The following BDH2 variants were observed in gnomAD, a reference collection of about 807,000 sequenced individuals.
The protein encoded by BDH2 is dehydrogenase/reductase SDR family member 6.
In BDH2, 24 loss-of-function variants were observed where a neutral mutation model predicts 33.2. The observed-to-expected ratio is 0.72, with a 90% CI of 0.52 to 1.02. The LOEUF is 1.02. Among genes scored for constraint, BDH2 ranks in the 50% least tolerant of loss-of-function variants. The probability of loss-of-function intolerance (pLI) is 0.00; values close to 1 mark genes in which losing one functional copy is unlikely to be tolerated. For synonymous variants in BDH2, 81 were observed against 101.6 expected (o/e 0.80, Z 1.22); for missense variants, 249 against 301.6 (o/e 0.83, Z 1.29).
intron 7 of BDH2, 84 bp from the exon 8 acceptor site, chr4:103,083,013 A>G: frequency 1.7e-6 from 2 of 1,211,354 alleles, no homozygotes; most frequent in Non-Finnish European, 1.2e-6. Context: ...CCATATGACA[A>G]TCAGTGAGAT....
intron 9 of BDH2, among the ~76,000 whole-genome samples, chr4:103,081,422 C>T (rs1348281652): frequency 2.6e-5 from 4 of 152,144 alleles, no homozygotes; most frequent in Non-Finnish European, 2.9e-5. Flanking sequence ...CTCAGCCTCC[C>T]GAGTAGCTGG....
At chr4:103,080,680 T>G (rs1343363819) in intron 9 of BDH2, among the ~76,000 whole-genome samples, 2 of 152,204 alleles carry the variant, frequency 1.3e-5, no homozygotes, top group African/African-American at 2.4e-5. Flanking sequence ...ACATATGAAC[T>G]CCTCTGGAAA....
intron 4 of BDH2, 92 bp from the exon 5 acceptor site, chr4:103,091,377 G>A: frequency 2.6e-6 from 2 of 755,574 alleles, no homozygotes; most frequent in Non-Finnish European, 4.6e-6. Flanking sequence ...TAGTGACTTA[G>A]ACCACTGTCT....
At chr4:103,091,548 G>T in intron 4 of BDH2, 2 of 394,142 alleles carry the variant, frequency 5.1e-6, no homozygotes, top group South Asian at 2.1e-5. Context: ...TATTAATTGT[G>T]CTGGAAACAT....
chr4:103,095,223 T>C lies in BDH2; in HGVS notation c.131A>G (p.Gln44Arg). 1 of 1,613,754 alleles carries C rather than the reference T, an allele frequency of 6.2e-7. No individual in the cohort carries two copies. Among genetic ancestry groups the C allele is most frequent in the Non-Finnish European group, 8.5e-7 (1 of 1,179,736 alleles). The stretch of plus-strand genomic sequence containing the variant: ...CTTACCCGGGTACTTTTCCAGTTCC[T>C]GAAGTTTGGACTCATTAATGTCTGT... Reference protein sequence around the residue: ...IATDINESKLQELEKYPGIQT... With the variant: ...IATDINESKLRELEKYPGIQT... Residue 44 changes from glutamine to arginine, a missense_variant, in exon 3 of 10, where the codon CAG becomes CGG. By Grantham distance (43) the Gln-to-Arg change is conservative. Coordinates refer to ENST00000296424, the MANE Select transcript of BDH2 (RefSeq NM_020139.4).
intron 4 of BDH2, 22 bp from the exon 5 acceptor site, chr4:103,091,307 G>T: frequency 6.6e-7 from 1 of 1,524,866 alleles, no homozygotes; most frequent in South Asian, 1.1e-5. Flanking sequence ...ATTAAACAAT[G>T]GAAGAATAAC....
At chr4:103,086,596 C>G in intron 5 of BDH2, 56 bp from the exon 6 acceptor site, 1 of 1,539,758 alleles carries the variant, frequency 6.5e-7, no homozygotes, top group Non-Finnish European at 8.7e-7. Flanking sequence ...GGCTAAAATA[C>G]TACCTTTTAA....
intron 3 of BDH2, among the ~76,000 whole-genome samples, chr4:103,093,543 A>G (rs1748210369): frequency 6.7e-6 from 1 of 149,136 alleles, no homozygotes; most frequent in Non-Finnish European, 1.5e-5. Context: ...CATATTATTT[A>G]TAATGTGCAT....
intron 9 of BDH2, among the ~76,000 whole-genome samples, chr4:103,081,783 T>C (rs77252594): frequency 0.014 from 2,098 of 152,304 alleles, 49 homozygotes; most frequent in African/African-American, 0.048. Context: ...AATCAGGGTT[T>C]CCCCAATTAT....
chr4:103,092,354 A>C, intron 4 of BDH2: 1 of 498,798 alleles, frequency 2.0e-6, no homozygotes, highest in Non-Finnish European at 3.6e-6. Context: ...AACACATAAT[A>C]CAGCTTTGTA....
chr4:103,092,149 T>A (rs1748135192), intron 4 of BDH2, among the ~76,000 whole-genome samples: 1 of 152,190 alleles, frequency 6.6e-6, no homozygotes, highest in Admixed American at 6.5e-5. Flanking sequence ...AGTCAGAATG[T>A]CAGTTTCATG....
chr4:103,097,578 A>C (rs1748471997), intron 1 of BDH2: 2 of 152,200 alleles, frequency 1.3e-5, no homozygotes, highest in Non-Finnish European at 2.9e-5. Context: ...TCATATCCAC[A>C]TTTCAGGCAA....
At position 103,086,476 on chromosome 4, in the gene BDH2, C is replaced by T. The variant is rs1385267651; in HGVS notation, c.418+4G>A. On this transcript the variant is annotated splice_donor_region_variant and intron_variant, in intron 6 of 9. Transcript: ENST00000296424. ...TCGCAGTCCTCGGAAGGAGACAGACCCACCTTTGACGCTGGAAGCCACAGA... is the reference window on the plus strand; with the variant it reads ...TCGCAGTCCTCGGAAGGAGACAGACTCACCTTTGACGCTGGAAGCCACAGA... The T allele has an allele frequency of 6.2e-7, 1 of 1,612,484 alleles. No individual in the cohort carries two copies. The highest frequency in any genetic ancestry group is 2.2e-5 in the East Asian group (1 of 44,874).
chr4:103,083,678 C>A (rs1578500176), intron 7 of BDH2, among the ~76,000 whole-genome samples: 1 of 152,090 alleles, frequency 6.6e-6, no homozygotes, highest in East Asian at 1.9e-4. Context: ...GGCCCTTTTT[C>A]AGACTAAAGA....
chr4:103,097,040 T>C (rs1286992027), intron 1 of BDH2, among the ~76,000 whole-genome samples: 2 of 152,200 alleles, frequency 1.3e-5, no homozygotes, highest in African/African-American at 4.8e-5. Flanking sequence ...GCACTATCAA[T>C]TGCTTATGAT....
intron 3 of BDH2, among the ~76,000 whole-genome samples, chr4:103,093,616 A>T (rs572725592): frequency 6.8e-6 from 1 of 147,248 alleles, no homozygotes; most frequent in African/African-American, 2.5e-5. Context: ...ATATGTATAC[A>T]TATAATATAT....
chr4:103,097,334 T>C (rs910521797), intron 1 of BDH2, among the ~76,000 whole-genome samples: 7 of 152,330 alleles, frequency 4.6e-5, no homozygotes, highest in African/African-American at 1.7e-4. Flanking sequence ...TTCTAAATGA[T>C]TGAGAAACAC....
At chr4:103,082,007 ATAT>A in intron 9 of BDH2, 71 bp downstream of exon 9, 1 of 1,191,048 alleles carries the variant, frequency 8.4e-7, no homozygotes, top group Non-Finnish European at 1.2e-6. Flanking sequence ...CTCTAAAATG[ATAT>A]TATTTTGATG....
chr4:103,085,243 C>T, intron 7 of BDH2, 106 bp downstream of exon 7: 1 of 835,292 alleles, frequency 1.2e-6, no homozygotes, highest in Non-Finnish European at 1.9e-6. Flanking sequence ...TTATACTAAA[C>T]TCTGCCTTTG....
Sources: gnomAD v4.1 joint callset for allele counts (sites outside exome capture counted in the v4.1 genomes callset) on GRCh38, gnomAD v4.1.1 for gene constraint, MANE v1.5 for transcripts, NCBI Gene and HGNC (gene_info 2026-07-23, HGNC 2026-07-21) for gene names.